Variants in GRM8 observed in about 807,000 individuals in gnomAD.
The protein encoded by GRM8 is glutamate metabotropic receptor 8.
In GRM8, 47 loss-of-function variants were observed where a neutral mutation model predicts 87.2. The observed-to-expected ratio is 0.54, with a 90% CI of 0.43 to 0.69. The LOEUF (loss-of-function observed/expected upper bound fraction) is 0.69, where lower values mean the gene tolerates loss of function less well. Among genes scored for constraint, GRM8 ranks in the 30% least tolerant of loss-of-function variants. The pLI is 0.00. For synonymous variants in GRM8, 396 were observed against 404.5 expected (o/e 0.98, Z 0.25); for missense variants, 1,019 against 1,139.2 (o/e 0.89, Z 1.52).
intron 7 of GRM8, among the ~76,000 whole-genome samples, chr7:126,652,842 G>T (rs528214208): frequency 3.9e-5 from 6 of 152,140 alleles, no homozygotes; most frequent in Admixed American, 1.3e-4. Flanking sequence ...GACCAATACA[G>T]AAGGCTTACA....
At position 126,698,043 on chromosome 7, in the gene GRM8, A is replaced by G. The variant is rs527629817; in HGVS notation, c.1357+71822T>C. On this transcript the variant is annotated intron_variant, in intron 7 of 10. Coordinates refer to ENST00000339582, the MANE Select transcript of GRM8 (RefSeq NM_000845.3). ...GCAAGTTATTCCTTTACATACTCCT[A>G]TTGTCTCAGTGAAGTTCTGGAGGTT... Among the ~76,000 whole-genome samples the G allele has an allele frequency of 7.2e-5, 11 of 152,258 alleles. No individual in the cohort carries two copies. The South Asian group carries it at 2.3e-3, about 32-fold the overall frequency.
At chr7:126,891,473 C>A (rs1800999882) in intron 6 of GRM8, among the ~76,000 whole-genome samples, 4 of 151,966 alleles carry the variant, frequency 2.6e-5, no homozygotes, top group Admixed American at 1.3e-4. Context: ...TTTTCAACTG[C>A]CTCTTGAGGC....
Position 126,794,800 on chromosome 7 carries a change from G to A in GRM8, c.1157-24735C>T, listed in dbSNP as rs538765095. On this transcript the variant is annotated intron_variant, in intron 6 of 10. Coordinates refer to ENST00000339582, the MANE Select transcript of GRM8 (RefSeq NM_000845.3). ...ACTCCATCTTAGTGAATTAACTGGAGGGGAATTTGGAAATTGCATTTTCAC... is the reference window on the plus strand; with the variant it reads ...ACTCCATCTTAGTGAATTAACTGGAAGGGAATTTGGAAATTGCATTTTCAC... Among the ~76,000 whole-genome samples the A allele has an allele frequency of 2.0e-5, 3 of 152,266 alleles. No individual in the cohort carries two copies. In the East Asian group the frequency reaches 5.8e-4, roughly 29 times the overall value.
intron 6 of GRM8, among the ~76,000 whole-genome samples, chr7:126,832,866 T>C (rs955202198): frequency 1.3e-5 from 2 of 152,234 alleles, no homozygotes; most frequent in Admixed American, 1.3e-4. Flanking sequence ...TATTACACCA[T>C]AAATCACATT....
intron 6 of GRM8, among the ~76,000 whole-genome samples, chr7:126,781,585 C>A (rs1190252944): frequency 6.6e-6 from 1 of 152,158 alleles, no homozygotes. Context: ...TTTCCATTAT[C>A]TTTTTAAGAT....
At chr7:126,476,832 T>C (rs1026780737) in intron 9 of GRM8, among the ~76,000 whole-genome samples, 1 of 150,380 alleles carries the variant, frequency 6.6e-6, no homozygotes, top group African/African-American at 2.4e-5. Context: ...AAAAACATTA[T>C]GAAGATTCCT....
chr7:127,197,899 G>A (rs1000483894), intron 2 of GRM8, among the ~76,000 whole-genome samples: 2 of 152,066 alleles, frequency 1.3e-5, no homozygotes, highest in Non-Finnish European at 2.9e-5. Flanking sequence ...TGTACACCCA[G>A]TGCCGTTTCT....
chr7:126,948,504 A>T (rs1429093848), intron 3 of GRM8, among the ~76,000 whole-genome samples: 3 of 150,736 alleles, frequency 2.0e-5, no homozygotes, highest in Non-Finnish European at 4.4e-5. Flanking sequence ...TGCCAAGGAA[A>T]GGAGTTTTGA....
At chr7:126,684,843 T>A (rs893251747) in intron 7 of GRM8, among the ~76,000 whole-genome samples, 1 of 152,244 alleles carries the variant, frequency 6.6e-6, no homozygotes, top group African/African-American at 2.4e-5. Flanking sequence ...TCTGAAAATA[T>A]GGACTTTCAT....
chr7:126,603,673 AGGAAAAGG>A (rs1798053104), intron 8 of GRM8, among the ~76,000 whole-genome samples: 1 of 152,132 alleles, frequency 6.6e-6, no homozygotes, highest in Non-Finnish European at 1.5e-5. Flanking sequence ...TATGCTATGT[AGGAAAAGG>A]AGTGCATCAT....
chr7:127,076,257 A>G (rs17869700), intron 3 of GRM8: 10 of 455,550 alleles, frequency 2.2e-5, no homozygotes, highest in Admixed American at 1.4e-4. Flanking sequence ...GGAAAGAAAA[A>G]TGAGGCAAAT....
At chr7:126,544,660 C>T (rs1367848164) in intron 8 of GRM8, among the ~76,000 whole-genome samples, 1 of 151,988 alleles carries the variant, frequency 6.6e-6, no homozygotes, top group African/African-American at 2.4e-5. Flanking sequence ...AAGGTGCACG[C>T]CACCACGCCC....
intron 7 of GRM8, among the ~76,000 whole-genome samples, chr7:126,728,391 C>T (rs751373602): frequency 6.6e-5 from 10 of 152,074 alleles, no homozygotes; most frequent in Non-Finnish European, 8.8e-5. Flanking sequence ...TGGCTCACAG[C>T]GGGAGTAGAA....
intron 3 of GRM8, chr7:126,981,669 T>C (rs1049720539): frequency 6.6e-6 from 1 of 152,210 alleles, no homozygotes; most frequent in African/African-American, 2.4e-5. Context: ...ACACACTGGG[T>C]ATTAAGTTTC....
intron 9 of GRM8, among the ~76,000 whole-genome samples, chr7:126,459,794 G>C (rs930663077): frequency 3.3e-5 from 5 of 151,504 alleles, no homozygotes; most frequent in African/African-American, 1.2e-4. Flanking sequence ...AGTTGAGGAA[G>C]ATGTAAAGGG....
chr7:126,994,271 C>T (rs1348626360), intron 3 of GRM8, among the ~76,000 whole-genome samples: 1 of 152,142 alleles, frequency 6.6e-6, no homozygotes, highest in Non-Finnish European at 1.5e-5. Flanking sequence ...AGGGAATGAA[C>T]AAGTACTGGC....
intron 3 of GRM8, among the ~76,000 whole-genome samples, chr7:126,954,071 C>A (rs551355688): frequency 6.6e-6 from 1 of 152,164 alleles, no homozygotes. Context: ...CAGCCAGGAA[C>A]TTTTCCTTGT....
intron 9 of GRM8, among the ~76,000 whole-genome samples, chr7:126,476,305 C>T (rs1470045595): frequency 1.3e-5 from 2 of 152,024 alleles, no homozygotes; most frequent in African/African-American, 4.8e-5. Context: ...CCTGTAGTTC[C>T]AGCTAAGAGG....
intron 3 of GRM8, among the ~76,000 whole-genome samples, chr7:127,065,294 C>A (rs1044107803): frequency 1.3e-5 from 2 of 152,124 alleles, no homozygotes; most frequent in African/African-American, 4.8e-5. Flanking sequence ...CACATGTTCT[C>A]ACTTATAAGT....
Sources: gnomAD v4.1 joint callset for allele counts (sites outside exome capture counted in the v4.1 genomes callset) on GRCh38, gnomAD v4.1.1 for gene constraint, MANE v1.5 for transcripts, NCBI Gene and HGNC (gene_info 2026-07-23, HGNC 2026-07-21) for gene names.